Variants in AKAP6 observed in about 807,000 individuals in gnomAD.
The protein encoded by AKAP6 is A-kinase anchoring protein 6.
A neutral mutation model predicts 188.5 loss-of-function variants in AKAP6; 58 were observed. That is an observed-to-expected ratio of 0.31 (90% CI 0.25 to 0.38). The LOEUF is 0.38. Among genes scored for constraint, AKAP6 ranks in the 10% least tolerant of loss-of-function variants. The pLI is 1.00. For missense variants in AKAP6, 2,710 were observed against 2,740.0 expected, an observed-to-expected ratio of 0.99 and a Z score of 0.24; for synonymous variants, 989 against 998.6, an observed-to-expected ratio of 0.99 and a Z score of 0.18.
At chr14:32,390,070 G>C (rs985051538) in intron 1 of AKAP6, among the ~76,000 whole-genome samples, 6 of 151,854 alleles carry the variant, frequency 4.0e-5, no homozygotes, top group Admixed American at 1.3e-4. Flanking sequence ...TGTCTCTGTT[G>C]GATTGGGTTA....
chr14:32,828,676 A>T (rs1383512664), intron 13 of AKAP6, among the ~76,000 whole-genome samples: 1 of 152,226 alleles, frequency 6.6e-6, no homozygotes. Context: ...GCCAGCATTT[A>T]GTAAGACCAG....
At chr14:32,801,110 T>C (rs2033936393) in intron 12 of AKAP6, among the ~76,000 whole-genome samples, 1 of 152,218 alleles carries the variant, frequency 6.6e-6, no homozygotes, top group African/African-American at 2.4e-5. Flanking sequence ...TATATTTTAA[T>C]TGCATTATTT....
At chr14:32,429,621 C>T (rs1890150003) in intron 1 of AKAP6, among the ~76,000 whole-genome samples, 1 of 152,194 alleles carries the variant, frequency 6.6e-6, no homozygotes, top group Admixed American at 6.5e-5. Flanking sequence ...GCTTGCTGTG[C>T]TTAATGACAC....
In AKAP6 at chr14:32,509,949, A is replaced by G. The variant is rs540946004; in HGVS notation, c.325-25605A>G. Among the ~76,000 whole-genome samples the G allele has an allele frequency of 1.6e-4, 25 of 152,276 alleles. No homozygotes were observed. The South Asian group carries it at 4.8e-3, about 29-fold the overall frequency. ...CTCTCCCGGAAATCTCTGTCATTCC[A>G]TAAGCCCTAGCTGCTGCCTCACCGT... is the stretch of plus-strand genomic sequence containing the variant. On this transcript the variant is annotated intron_variant, in intron 2 of 13. Transcript: ENST00000280979.
chr14:32,671,508 C>A (rs1424117317), intron 7 of AKAP6, among the ~76,000 whole-genome samples: 1 of 148,984 alleles, frequency 6.7e-6, no homozygotes, highest in African/African-American at 2.5e-5. Context: ...TTTTTTTTAC[C>A]GATGGAAAAA....
chr14:32,563,433 A>G (rs1299868685), intron 4 of AKAP6, among the ~76,000 whole-genome samples: 4 of 152,164 alleles, frequency 2.6e-5, no homozygotes, highest in Non-Finnish European at 4.4e-5. Flanking sequence ...CATGTAGTAA[A>G]CACTCAATAA....
chr14:32,835,357 C>T lies in AKAP6; in HGVS notation c.*5552C>T, dbSNP rs2034865102. ...AATAAAGTGCACTTAAAGATTGTTT[C>T]ACATCCACAGTTTGTTTAAGGATTT... On this transcript the variant is annotated 3_prime_UTR_variant, in exon 14 of 14. Transcript: ENST00000280979. The T allele has an allele frequency of 6.6e-6, 1 of 151,992 alleles. No homozygotes were observed. The highest frequency in any genetic ancestry group is 1.5e-5 in the Non-Finnish European group (1 of 68,008). The allele number at this position is 151,992 out of a possible 1,614,324, so 9.4% of individuals were successfully genotyped here. A position where few individuals can be genotyped will look rare whatever the true frequency, so the allele number is the denominator to read the frequency against.
At chr14:32,387,606 G>A (rs1052143483) in intron 1 of AKAP6, among the ~76,000 whole-genome samples, 1 of 151,110 alleles carries the variant, frequency 6.6e-6, no homozygotes, top group Non-Finnish European at 1.5e-5. Context: ...ACGATCATGT[G>A]ATTTTTGTTT....
At chr14:32,754,868 A>T (rs2032273094) in intron 11 of AKAP6, among the ~76,000 whole-genome samples, 3 of 152,190 alleles carry the variant, frequency 2.0e-5, no homozygotes, top group Admixed American at 2.0e-4. Flanking sequence ...AAATCTGCTG[A>T]TAGTGTTAAA....
chr14:32,527,458 A>G (rs1489097689), intron 2 of AKAP6, among the ~76,000 whole-genome samples: 3 of 152,080 alleles, frequency 2.0e-5, no homozygotes, highest in Non-Finnish European at 2.9e-5. Context: ...TGAGTTTTCA[A>G]CTCCTTTGGG....
chr14:32,432,814 G>T (rs1300962406), intron 1 of AKAP6, among the ~76,000 whole-genome samples: 4 of 152,144 alleles, frequency 2.6e-5, no homozygotes, highest in African/African-American at 7.2e-5. Context: ...TAGAAGTTTG[G>T]TTTTTTCTCA....
chr14:32,606,909 C>G (rs1886148047), intron 7 of AKAP6, among the ~76,000 whole-genome samples: 2 of 152,152 alleles, frequency 1.3e-5, no homozygotes, highest in African/African-American at 4.8e-5. Context: ...GAATTTACAT[C>G]TATGTGGCCT....
intron 4 of AKAP6, among the ~76,000 whole-genome samples, chr14:32,575,926 G>A (rs970141365): frequency 3.3e-5 from 5 of 151,916 alleles, no homozygotes; most frequent in African/African-American, 1.2e-4. Context: ...AACAATTTGT[G>A]TTCCTGAGTG....
chr14:32,589,159 G>A (rs1046099407), intron 5 of AKAP6, among the ~76,000 whole-genome samples: 1 of 152,150 alleles, frequency 6.6e-6, no homozygotes. Context: ...GGGAGCAGTG[G>A]ATCAAACTTC....
In AKAP6 at chr14:32,550,773, T is replaced by C. The variant is rs144441626; in HGVS notation, c.2346+3774T>C. On this transcript the variant is annotated intron_variant, in intron 4 of 13. Transcript: ENST00000280979. ...TACCTATAATAACTCTCCCATAAAATTCTTATAACAACCCTCTAAGGTAGG... is the reference window on the plus strand; with the variant it reads ...TACCTATAATAACTCTCCCATAAAACTCTTATAACAACCCTCTAAGGTAGG... Among the ~76,000 whole-genome samples the C allele has an allele frequency of 4.8e-3, 736 of 152,270 alleles. 5 individuals are homozygous for C. Among genetic ancestry groups the C allele is most frequent in the East Asian group, 0.013 (66 of 5,180 alleles).
intron 8 of AKAP6, chr14:32,693,370 G>A (rs1890261364): frequency 6.6e-6 from 1 of 152,204 alleles, no homozygotes; most frequent in African/African-American, 2.4e-5. Context: ...TGCCTTTGTT[G>A]TCATGGCAAT....
At chr14:32,417,858 A>G (rs1889713511) in intron 1 of AKAP6, 2 of 152,166 alleles carry the variant, frequency 1.3e-5, no homozygotes, top group African/African-American at 4.8e-5. Flanking sequence ...CTTATTTAAA[A>G]CTGGTCAGCT....
chr14:32,474,537 A>G (rs1303505956), intron 2 of AKAP6: 1 of 152,214 alleles, frequency 6.6e-6, no homozygotes. Flanking sequence ...AGAATTCTTT[A>G]GGAGAGAAGA....
chr14:32,360,303 T>C lies in AKAP6; in HGVS notation c.-35+30895T>C, dbSNP rs576057586. On this transcript the variant is annotated intron_variant, in intron 1 of 13. Transcript: ENST00000280979. The stretch of plus-strand genomic sequence containing the variant: ...CAACCACATCCAGCTAATTTTTGTA[T>C]TTTTAGTAGAGATGGGGTTTCACTA... Among the ~76,000 whole-genome samples the C allele has an allele frequency of 2.0e-5, 3 of 152,186 alleles. No individual in the cohort carries two copies. The South Asian group carries it at 6.2e-4, about 32-fold the overall frequency.
Sources: gnomAD v4.1 joint callset for allele counts (sites outside exome capture counted in the v4.1 genomes callset) on GRCh38, gnomAD v4.1.1 for gene constraint, MANE v1.5 for transcripts, NCBI Gene and HGNC (gene_info 2026-07-23, HGNC 2026-07-21) for gene names.